Variants in CDC14A observed in about 807,000 individuals in gnomAD.
The protein encoded by CDC14A is dual specificity protein phosphatase CDC14A.
CDC14A carries 53 observed loss-of-function variants against 74.4 expected under a neutral mutation model. The observed-to-expected ratio is 0.71, with a 90% CI of 0.57 to 0.89. The LOEUF is 0.89. Ranked by LOEUF, CDC14A falls within the 40% of genes least tolerant of loss-of-function variation. The pLI is 0.00. For missense variants in CDC14A, 646 were observed against 713.7 expected (o/e 0.91, Z 1.08); for synonymous variants, 247 against 258.4 (o/e 0.96, Z 0.43).
intron 4 of CDC14A, among the ~76,000 whole-genome samples, chr1:100,396,780 A>G (rs1021954477): frequency 2.0e-5 from 3 of 152,188 alleles, no homozygotes; most frequent in African/African-American, 2.4e-5. Context: ...CACAAACACC[A>G]TGGCTTACTT....
At chr1:100,375,308 G>A (rs1655084604) in intron 2 of CDC14A, among the ~76,000 whole-genome samples, 1 of 152,236 alleles carries the variant, frequency 6.6e-6, no homozygotes, top group South Asian at 2.1e-4. Context: ...GATAAGGTCA[G>A]CCTGGAAGCT....
intron 9 of CDC14A, among the ~76,000 whole-genome samples, chr1:100,465,793 C>G (rs916139762): frequency 1.3e-5 from 2 of 152,274 alleles, no homozygotes; most frequent in South Asian, 4.1e-4. Flanking sequence ...AATACAGCAA[C>G]GTTGTGATAG....
chr1:100,409,392 C>T (rs1660374031), intron 4 of CDC14A, among the ~76,000 whole-genome samples: 1 of 152,204 alleles, frequency 6.6e-6, no homozygotes, highest in Admixed American at 6.5e-5. Flanking sequence ...CAAAACCAAT[C>T]ATGCCTTCCC....
upstream of CDC14A, among the ~76,000 whole-genome samples, chr1:100,348,865 G>A (rs1030764202): frequency 7.9e-5 from 12 of 152,344 alleles, no homozygotes; most frequent in Middle Eastern, 3.4e-3. Flanking sequence ...AGTTGAAGCA[G>A]TTTTCAAGCA....
intron 7 of CDC14A, among the ~76,000 whole-genome samples, chr1:100,454,947 A>G (rs1666532160): frequency 6.6e-6 from 1 of 152,164 alleles, no homozygotes; most frequent in African/African-American, 2.4e-5. Flanking sequence ...TTGACAAGAG[A>G]TAACAGCCCT....
intron 2 of CDC14A, among the ~76,000 whole-genome samples, chr1:100,374,852 C>G (rs2100939958): frequency 6.6e-6 from 1 of 152,276 alleles, no homozygotes; most frequent in South Asian, 2.1e-4. Flanking sequence ...CTAAATTGAA[C>G]TTAAAGCATT....
chr1:100,419,225 T>A (rs192589862), intron 4 of CDC14A, among the ~76,000 whole-genome samples: 1 of 152,034 alleles, frequency 6.6e-6, no homozygotes, highest in African/African-American at 2.4e-5. Context: ...ACTGTGACTG[T>A]GAAGAGATAA....
rs1311907026 is a variant in CDC14A at position 100,484,427 on chromosome 1, A to G, written c.1113A>G (p.Thr371=). Residue 371 remains threonine, a synonymous_variant, in exon 11 of 16, where the codon ACA becomes ACG. Coordinates refer to ENST00000336454, the MANE Select transcript of CDC14A (RefSeq NM_003672.4). ...CTATTGGTGGAAATCTTTCAAAAAC[A>G]CAAAACATGGAACGATTTGGAGAGG... ...DMSIGGNLSK[T]QNMERFGEDN... The G allele has an allele frequency of 6.2e-7, 1 of 1,604,698 alleles. No individual in the cohort carries two copies. Among genetic ancestry groups the G allele is most frequent in the African/African-American group, 1.3e-5 (1 of 74,444 alleles).
chr1:100,418,596 G>A (rs1217934907), intron 4 of CDC14A, among the ~76,000 whole-genome samples: 3 of 152,166 alleles, frequency 2.0e-5, no homozygotes, highest in Non-Finnish European at 4.4e-5. Flanking sequence ...AACTACTGGA[G>A]TAGGCAGGAG....
chr1:100,355,356 G>A (rs1651739250), intron 2 of CDC14A, among the ~76,000 whole-genome samples: 1 of 152,178 alleles, frequency 6.6e-6, no homozygotes, highest in African/African-American at 2.4e-5. Flanking sequence ...CTCTAGCCAT[G>A]GAGATCTGAG....
intron 2 of CDC14A, among the ~76,000 whole-genome samples, chr1:100,354,258 A>T (rs1164718534): frequency 1.3e-5 from 2 of 152,224 alleles, no homozygotes; most frequent in African/African-American, 4.8e-5. Flanking sequence ...TTTATAGTTT[A>T]CAAGACTTCT....
At chr1:100,453,721 C>G (rs1046112805) in intron 7 of CDC14A, among the ~76,000 whole-genome samples, 1 of 152,190 alleles carries the variant, frequency 6.6e-6, no homozygotes, top group Non-Finnish European at 1.5e-5. Context: ...CTCACTGCAA[C>G]CTTCATCGCT....
chr1:100,381,906 GA>G (rs1656157681), intron 3 of CDC14A, among the ~76,000 whole-genome samples: 1 of 152,138 alleles, frequency 6.6e-6, no homozygotes, highest in African/African-American at 2.4e-5. Context: ...AAGATGCATT[GA>G]AGTGAGAACA....
At chr1:100,455,169 G>A (rs142834368) in intron 7 of CDC14A, among the ~76,000 whole-genome samples, 243 of 152,150 alleles carry the variant, frequency 1.6e-3, no homozygotes, top group African/African-American at 5.5e-3. Context: ...TACCTCTGCC[G>A]TAAATAAAAG....
At chr1:100,389,967 A>T (rs533707723) in intron 3 of CDC14A, among the ~76,000 whole-genome samples, 1 of 152,266 alleles carries the variant, frequency 6.6e-6, no homozygotes, top group East Asian at 1.9e-4. Context: ...TCGAGTTTTG[A>T]TTAATAATTT....
At chr1:100,416,002 T>C (rs1305308183) in intron 4 of CDC14A, among the ~76,000 whole-genome samples, 1 of 152,234 alleles carries the variant, frequency 6.6e-6, no homozygotes, top group Non-Finnish European at 1.5e-5. Context: ...TGTTTGTGTA[T>C]CACAATTAAT....
Position 100,381,193 on chromosome 1 carries a change from C to T in CDC14A, c.216+3572C>T, listed in dbSNP as rs558151243. On this transcript the variant is annotated intron_variant, in intron 3 of 15. Coordinates refer to ENST00000336454, the MANE Select transcript of CDC14A (RefSeq NM_003672.4). ...ATGATCCCCTTCATTTGCAGATCCC[C>T]CTTTCTCCTTTTGCTTCCAGAGGTT... 2.8e-4 allele frequency among the ~76,000 whole-genome samples: 42 copies of T among 152,284 alleles called. No individual in the cohort carries two copies. The South Asian group carries it at 7.9e-3, about 29-fold the overall frequency.
intron 5 of CDC14A, among the ~76,000 whole-genome samples, chr1:100,429,095 T>C (rs1187782830): frequency 2.6e-5 from 4 of 151,908 alleles, no homozygotes; most frequent in Non-Finnish European, 5.9e-5. Flanking sequence ...TCCCAGCTAC[T>C]CGGGAGGCTG....
chr1:100,445,542 G>A (rs1197057739), intron 7 of CDC14A, among the ~76,000 whole-genome samples: 2 of 152,084 alleles, frequency 1.3e-5, no homozygotes, highest in Non-Finnish European at 2.9e-5. Flanking sequence ...AGGCAGGAGG[G>A]GGTTGGAAGC....
Sources: allele counts gnomAD v4.1 joint callset (sites outside exome capture counted in the v4.1 genomes callset), GRCh38; gene constraint gnomAD v4.1.1; transcripts MANE v1.5; gene names NCBI Gene and HGNC (gene_info 2026-07-23, HGNC 2026-07-21).